The following ICE2 variants were observed in gnomAD, a reference collection of about 807,000 sequenced individuals.
ICE2 encodes the protein interactor of little elongation complex ELL subunit 2.
A neutral mutation model predicts 105.4 loss-of-function variants in ICE2; 87 were observed. That is an observed-to-expected ratio of 0.83 (90% CI 0.69 to 0.99). ICE2 has a LOEUF of 0.99. Among genes scored for constraint, ICE2 ranks in the 50% least tolerant of loss-of-function variants. The pLI, the probability that ICE2 is intolerant of heterozygous loss-of-function variation, is 0.00. For missense variants in ICE2, 1,323 were observed against 1,146.7 expected (o/e 1.15, Z -2.22); for synonymous variants, 399 against 392.0 (o/e 1.02, Z -0.21).
rs369523318 is a variant in ICE2 at position 60,431,596 on chromosome 15, T to C, written c.2561+338A>G. Among the ~76,000 whole-genome samples the C allele has an allele frequency of 5.3e-4, 81 of 152,224 alleles. 2 individuals carry two copies. In the South Asian group the frequency reaches 0.017, roughly 32 times the overall value. On this transcript the variant is annotated intron_variant, in intron 14 of 15. Transcript: ENST00000261520. ...ACCACTCCTGCTGACACCTTGACTT[T>C]TACCCGGTAAAACTGATTTTGGATT...
In ICE2 at chr15:60,455,410, G is replaced by T; in HGVS notation, c.699C>A (p.Pro233=). The T allele has an allele frequency of 6.2e-7, 1 of 1,613,318 alleles. No individual in the cohort carries two copies. ...ACAGCTGCAACTTTATAGGCATTGA[G>T]GGAAATACTGTTTTCACATATTTTA... ...GSVKYVKTVF[P]SMPIKLQLSK... Residue 233 remains proline (P), a synonymous_variant, in exon 7 of 16, where the codon CCC becomes CCA. Transcript: ENST00000261520.
Position 60,476,176 on chromosome 15 carries a change from C to A in ICE2, c.42-9G>T, listed in dbSNP as rs1404552617. On this transcript the variant is annotated splice_polypyrimidine_tract_variant and intron_variant, in intron 2 of 15. Coordinates refer to ENST00000261520, the MANE Select transcript of ICE2 (RefSeq NM_024611.6). ...TTTTGGGGGAAATATCCCTGTGAAA[C>A]AAAGTAATTTACTTACATTTGACAA... 1 of 1,534,784 alleles carries A rather than the reference C, an allele frequency of 6.5e-7. No homozygotes were observed. The highest frequency in any genetic ancestry group is 8.9e-7 in the Non-Finnish European group (1 of 1,118,114).
In ICE2 at chr15:60,449,917, G is replaced by A. The variant is rs564845759; in HGVS notation, c.1126-76C>T. The A allele has an allele frequency of 5.8e-5, 58 of 1,004,238 alleles. No homozygotes were observed. The South Asian group carries it at 8.9e-4, about 15-fold the overall frequency. 62.2% of individuals were successfully genotyped at this position (1,004,238 alleles called of 1,614,324 possible). The stretch of plus-strand genomic sequence containing the variant: ...CCTATCTCTTAATGTCCCTATCCCT[G>A]TCATACATACTTCCTGCTCTTTTAA... On this transcript the variant is annotated intron_variant, in intron 9 of 15. Coordinates refer to ENST00000261520, the MANE Select transcript of ICE2 (RefSeq NM_024611.6).
chr15:60,449,695 T>C lies in ICE2; in HGVS notation c.1272A>G (p.Thr424=). Residue 424 remains threonine (T), a synonymous_variant, in exon 10 of 16, where the codon ACA becomes ACG. Coordinates refer to ENST00000261520, the MANE Select transcript of ICE2 (RefSeq NM_024611.6). ...SKSPSPASTS[T]VPNMTDAPTA... ...TAGGAGCATCTGTCATGTTAGGTAC[T>C]GTGGAAGTACTTGCTGGACTTGGTG... 4 of 1,614,182 alleles carry C rather than the reference T, an allele frequency of 2.5e-6. No individual in the cohort carries two copies. Among genetic ancestry groups the C allele is most frequent in the Non-Finnish European group, 3.4e-6 (4 of 1,180,040 alleles).
At chr15:60,433,975 G>A (rs959437669) in intron 13 of ICE2, among the ~76,000 whole-genome samples, 5 of 152,058 alleles carry the variant, frequency 3.3e-5, no homozygotes, top group Non-Finnish European at 5.9e-5. Context: ...TTAGATCTGG[G>A]ACCCTTAAAA....
In ICE2 at chr15:60,423,592, T is replaced by C; in HGVS notation, c.*42A>G. 6.4e-7 allele frequency: 1 copy of C among 1,559,422 alleles called. No homozygotes were observed. The highest frequency in any genetic ancestry group is 8.7e-7 in the Non-Finnish European group (1 of 1,151,876). The stretch of plus-strand genomic sequence containing the variant: ...TCAAACTTATCTAAATTAAACACTG[T>C]TATAACTGTTTTTTTAAATTTAGTT... On this transcript the variant is annotated 3_prime_UTR_variant, in exon 16 of 16. Coordinates refer to ENST00000261520, the MANE Select transcript of ICE2 (RefSeq NM_024611.6).
At chr15:60,451,125 G>GA in intron 9 of ICE2, 1 of 796,634 alleles carries the variant, frequency 1.3e-6, no homozygotes, top group Non-Finnish European at 1.5e-6. Context: ...TGTACAAACT[G>GA]AAAAATAAAA....
rs192311670 is a variant in ICE2 at position 60,459,381 on chromosome 15, A to C, written c.529-2587T>G. ...GATTATCTTTAAATGTCGTGGAAAAAAGGTAACTGCCAACTTTGAATTGCG... is the reference window on the plus strand; with the variant it reads ...GATTATCTTTAAATGTCGTGGAAAACAGGTAACTGCCAACTTTGAATTGCG... On this transcript the variant is annotated intron_variant, in intron 5 of 15. Coordinates refer to ENST00000261520, the MANE Select transcript of ICE2 (RefSeq NM_024611.6). 2.6e-5 allele frequency among the ~76,000 whole-genome samples: 4 copies of C among 152,344 alleles called. No homozygotes were observed. The East Asian group carries it at 7.7e-4, about 29-fold the overall frequency.
At chr15:60,433,937 T>C (rs1331824849) in intron 13 of ICE2, among the ~76,000 whole-genome samples, 6 of 152,074 alleles carry the variant, frequency 3.9e-5, no homozygotes, top group Non-Finnish European at 7.4e-5. Flanking sequence ...GAAGCAGACA[T>C]ACTGAAGTAC....
intron 5 of ICE2, among the ~76,000 whole-genome samples, chr15:60,459,528 G>C (rs990620234): frequency 6.6e-6 from 1 of 152,102 alleles, no homozygotes; most frequent in East Asian, 1.9e-4. Flanking sequence ...GAATACATAG[G>C]TTTTCAGGAA....
In ICE2 at chr15:60,420,239, T is replaced by C. The variant is rs2063229456; in HGVS notation, c.*3395A>G. The C allele has an allele frequency of 6.6e-6, 1 of 152,144 alleles. No individual in the cohort carries two copies. The highest frequency in any genetic ancestry group is 2.1e-4 in the South Asian group (1 of 4,834). The allele number at this position is 152,144 out of a possible 1,614,324, so 9.4% of individuals were successfully genotyped here. A position where few individuals can be genotyped will look rare whatever the true frequency, so the allele number is the denominator to read the frequency against. The stretch of plus-strand genomic sequence containing the variant: ...TGGGTTAACACCATCATTTACTCAG[T>C]ATCTCAAATGAGAAACCCAGAAGCC... On this transcript the variant is annotated 3_prime_UTR_variant, in exon 16 of 16. Coordinates refer to ENST00000261520, the MANE Select transcript of ICE2 (RefSeq NM_024611.6).
intron 11 of ICE2, among the ~76,000 whole-genome samples, chr15:60,443,540 G>C (rs144916332): frequency 8.5e-5 from 13 of 152,150 alleles, no homozygotes; most frequent in African/African-American, 3.1e-4. Flanking sequence ...CTTGAACTAC[G>C]TGCATGTGAG....
intron 13 of ICE2, among the ~76,000 whole-genome samples, chr15:60,435,868 G>A (rs1328382537): frequency 6.6e-6 from 1 of 151,956 alleles, no homozygotes; most frequent in African/African-American, 2.4e-5. Context: ...CCCTACTTGG[G>A]AGGCTGAGGT....
At chr15:60,466,478 T>C in intron 5 of ICE2, 116 bp downstream of exon 5, 2 of 1,224,342 alleles carry the variant, frequency 1.6e-6, no homozygotes, top group South Asian at 2.8e-5. Flanking sequence ...GACCTGTGGT[T>C]TTTAAATTGG....
intron 3 of ICE2, among the ~76,000 whole-genome samples, chr15:60,475,157 A>C (rs142283284): frequency 9.8e-5 from 15 of 152,318 alleles, no homozygotes; most frequent in African/African-American, 3.4e-4. Flanking sequence ...CTAATTCCTC[A>C]TTTGGTGTAT....
chr15:60,445,587 T>C, intron 11 of ICE2: 5 of 961,874 alleles, frequency 5.2e-6, no homozygotes, highest in Non-Finnish European at 6.2e-6. Context: ...GTCTTTAGGG[T>C]GTGACTATTT....
chr15:60,479,019 G>A lies in ICE2; in HGVS notation c.-109C>T, dbSNP rs1374785000. 1 of 455,846 alleles carries A rather than the reference G, an allele frequency of 2.2e-6. No homozygotes were observed. Among genetic ancestry groups the A allele is most frequent in the Non-Finnish European group, 4.4e-6 (1 of 226,756 alleles). The allele number at this position is 455,846 out of a possible 1,614,324, so 28.2% of individuals were successfully genotyped here. A position where few individuals can be genotyped will look rare whatever the true frequency, so the allele number is the denominator to read the frequency against. On this transcript the variant is annotated 5_prime_UTR_variant, in exon 1 of 16. Coordinates refer to ENST00000261520, the MANE Select transcript of ICE2 (RefSeq NM_024611.6). The stretch of plus-strand genomic sequence containing the variant: ...TCCGCCCACCTCATGGTCCGCGGCG[G>A]CTCTTGCCCAGGCCGCAGCCACACA...
rs755713554 is a variant in ICE2 at position 60,447,990 on chromosome 15, T to G, written c.2275A>C (p.Lys759Gln). The G allele has an allele frequency of 6.2e-7, 1 of 1,608,164 alleles. No homozygotes were observed. Among genetic ancestry groups the G allele is most frequent in the Non-Finnish European group, 8.5e-7 (1 of 1,178,262 alleles). ...CTTACTCTTCTGATTTTCTTCCGTTTTTTAGAACGTGGTCTTGTCTCTATC... is the reference window on the plus strand; with the variant it reads ...CTTACTCTTCTGATTTTCTTCCGTTGTTTAGAACGTGGTCTTGTCTCTATC... ...QRIETRPRSK[K>Q]RKKIRRQFPV... is the part of the protein sequence containing the mutation. Residue 759 changes from lysine to glutamine, a missense_variant, in exon 11 of 16, where the codon AAA becomes CAA. Lys to Gln is a moderately conservative substitution (Grantham distance 53). Transcript: ENST00000261520.
Position 60,468,213 on chromosome 15 carries a change from G to T in ICE2, c.256C>A (p.Leu86Ile). Residue 86 changes from leucine (L) to isoleucine (I), a missense_variant, in exon 4 of 16, where the codon CTT becomes ATT. Transcript: ENST00000261520. ...EKVKTTIGMV[L>I]LPKPRVPYPR... The stretch of plus-strand genomic sequence containing the variant: ...TAAGGAACTCTTGGTTTTGGAAGAA[G>T]AACCATTCCAATTGTGGTTTTAACT... The T allele has an allele frequency of 6.2e-7, 1 of 1,614,032 alleles. No individual in the cohort carries two copies. Among genetic ancestry groups the T allele is most frequent in the Non-Finnish European group, 8.5e-7 (1 of 1,179,938 alleles).
Sources: gnomAD v4.1 joint callset for allele counts (sites outside exome capture counted in the v4.1 genomes callset) on GRCh38, gnomAD v4.1.1 for gene constraint, MANE v1.5 for transcripts, NCBI Gene and HGNC (gene_info 2026-07-23, HGNC 2026-07-21) for gene names.